DMD: variants seen among roughly 807,000 people sequenced by gnomAD.
DMD encodes the protein mutant dystrophin.
In DMD, 63 loss-of-function variants were observed where a neutral mutation model predicts 330.1. The observed-to-expected ratio is 0.19, with a 90% confidence interval of 0.16 to 0.24. DMD has a LOEUF of 0.24. Ranked by LOEUF, DMD falls within the 10% of genes least tolerant of loss-of-function variation. The pLI, the probability that DMD is intolerant of heterozygous loss-of-function variation, is 1.00. For missense variants in DMD, 3,344 were observed against 2,684.1 expected, an observed-to-expected ratio of 1.25 and a Z score of -5.43; for synonymous variants, 1,223 against 959.8, an observed-to-expected ratio of 1.27 and a Z score of -5.07.
chrX:31,496,817 C>T lies in DMD; in HGVS notation c.8518G>A (p.Ala2840Thr), dbSNP rs2147074872. 8.2e-7 allele frequency: 1 copy of T among 1,212,175 alleles called. No individual in the cohort carries two copies. Among genetic ancestry groups the T allele is most frequent in the Non-Finnish European group, 1.1e-6 (1 of 895,620 alleles). ...RQAPIGGDFP[A>T]VQKQNDVHRA... is the part of the protein sequence containing the mutation. Reference sequence around the variant, plus strand: ...TGTACATCGTTCTGCTTCTGAACTGCTGGAAAGTCGCCTCCAATAGGTGCC... The same window carrying T: ...TGTACATCGTTCTGCTTCTGAACTGTTGGAAAGTCGCCTCCAATAGGTGCC... Residue 2840 changes from alanine to threonine, a missense_variant, in exon 57 of 79, where the codon GCA becomes ACA. Transcript: ENST00000357033.
intron 55 of DMD, among the ~76,000 whole-genome samples, chrX:31,511,262 C>T (rs148552797): frequency 0.21 from 18,945 of 90,674 alleles, 1,644 homozygotes; most frequent in Middle Eastern, 0.28. Flanking sequence ...TATAATATAA[C>T]ATAACATAAT....
At position 32,380,555 on chromosome X, in the gene DMD, A is replaced by C; in HGVS notation, c.4800T>G (p.Val1600=). 4 of 1,210,803 alleles carry C rather than the reference A, an allele frequency of 3.3e-6. No homozygotes were observed. Among genetic ancestry groups the C allele is most frequent in the Admixed American group, 2.2e-5 (1 of 45,962 alleles). The part of the protein sequence containing the change: ...TDMELTKRSA[V]EGMPSNLDSE... Reference sequence around the variant, plus strand: ...AATCCAAATTACTAGGCATTCCTTCAACTGCTGATCTCTTTGTCAATTCCA... The same window carrying C: ...AATCCAAATTACTAGGCATTCCTTCCACTGCTGATCTCTTTGTCAATTCCA... Residue 1600 remains valine (V), a synonymous_variant, in exon 34 of 79, where the codon GTT becomes GTG. Transcript: ENST00000357033.
intron 2 of DMD, among the ~76,000 whole-genome samples, chrX:32,910,284 G>T (rs745596029): frequency 2.3e-4 from 26 of 111,154 alleles, no homozygotes; most frequent in Non-Finnish European, 4.3e-4. Context: ...GATTATGTAG[G>T]ACAGCTCTCT....
chrX:32,258,580 A>C (rs1034528610), intron 43 of DMD, among the ~76,000 whole-genome samples: 1 of 110,223 alleles, frequency 9.1e-6, no homozygotes, highest in African/African-American at 3.3e-5. Context: ...ACCAAACACC[A>C]CATATTCTCA....
chrX:32,725,571 T>A (rs2066781534), intron 7 of DMD, among the ~76,000 whole-genome samples: 1 of 110,199 alleles, frequency 9.1e-6, no homozygotes, highest in Non-Finnish European at 1.9e-5. Flanking sequence ...AAGGGGTCAA[T>A]TCAGCAAAAG....
intron 1 of DMD, among the ~76,000 whole-genome samples, chrX:33,163,388 T>C (rs2048865795): frequency 9.2e-6 from 1 of 108,138 alleles, no homozygotes; most frequent in Admixed American, 1.0e-4. Flanking sequence ...AATACAAAAT[T>C]AGCCAGGCAT....
intron 1 of DMD, among the ~76,000 whole-genome samples, chrX:33,315,985 A>G (rs758558148): frequency 7.2e-5 from 8 of 110,972 alleles, no homozygotes; most frequent in Non-Finnish European, 1.3e-4. Context: ...AGAGATTTTT[A>G]TCAAATGTTT....
At chrX:32,306,513 A>G (rs2148570300) in intron 42 of DMD, among the ~76,000 whole-genome samples, 1 of 110,743 alleles carries the variant, frequency 9.0e-6, no homozygotes, top group Admixed American at 9.6e-5. Flanking sequence ...GTTTTTCATC[A>G]CCCTCTTGGT....
intron 51 of DMD, among the ~76,000 whole-genome samples, chrX:31,739,515 A>G (rs1462385231): frequency 9.0e-6 from 1 of 111,176 alleles, no homozygotes; most frequent in African/African-American, 3.3e-5. Flanking sequence ...AAAACTCTTA[A>G]GCCTAGCACT....
At chrX:31,797,142 A>T (rs767626790) in intron 50 of DMD, among the ~76,000 whole-genome samples, 159 of 112,299 alleles carry the variant, frequency 1.4e-3, no homozygotes, top group African/African-American at 5.0e-3. Context: ...TAAAAAATTT[A>T]AAAAAATTGA....
At chrX:32,085,197 C>T (rs1265957676) in intron 44 of DMD, among the ~76,000 whole-genome samples, 2 of 110,876 alleles carry the variant, frequency 1.8e-5, no homozygotes, top group Non-Finnish European at 3.8e-5. Flanking sequence ...AGCATCCATG[C>T]TTATTTTAAG....
intron 52 of DMD, among the ~76,000 whole-genome samples, chrX:31,721,684 CACTCTCTCTCTCTCTCTCTCTCT>C (rs1569292466): frequency 0.048 from 3,305 of 68,441 alleles, 227 homozygotes; most frequent in African/African-American, 0.15. Flanking sequence ...CTCTCTCTCT[CACTCTCTCTCTCTCTCTCTCTCT>C]CTCTCTCTCT....
chrX:32,899,171 A>T (rs1009468832), intron 2 of DMD, among the ~76,000 whole-genome samples: 4 of 112,378 alleles, frequency 3.6e-5, no homozygotes, highest in Non-Finnish European at 7.5e-5. Context: ...GACTGGGCAC[A>T]GGCGTGCCAT....
chrX:32,285,333 T>C (rs905709615), intron 43 of DMD, among the ~76,000 whole-genome samples: 3 of 112,239 alleles, frequency 2.7e-5, no homozygotes, highest in Non-Finnish European at 5.6e-5. Context: ...ACTGACATCA[T>C]TGGAGTAGCC....
chrX:31,961,634 G>A (rs1458860360), intron 45 of DMD, among the ~76,000 whole-genome samples: 2 of 110,516 alleles, frequency 1.8e-5, no homozygotes, highest in East Asian at 2.8e-4. Context: ...TTTGAGAAGA[G>A]CAGGTCACAA....
At chrX:31,730,550 CTTTCTTCAGTGTCTA>C (rs1367219038) in intron 51 of DMD, among the ~76,000 whole-genome samples, 3 of 110,375 alleles carry the variant, frequency 2.7e-5, no homozygotes, top group Non-Finnish European at 3.8e-5. Context: ...ATATTCTTCC[CTTTCTTCAGTGTCTA>C]TTTTCTCTGT....
chrX:33,028,000 A>G (rs192663163), intron 1 of DMD, among the ~76,000 whole-genome samples: 1 of 112,179 alleles, frequency 8.9e-6, no homozygotes, highest in Non-Finnish European at 1.9e-5. Context: ...GAGCCTGAAA[A>G]TATAGCCAGA....
chrX:32,883,347 C>T lies in DMD; in HGVS notation c.94-33527G>A, dbSNP rs112950574. 4.5e-3 allele frequency among the ~76,000 whole-genome samples: 504 copies of T among 111,495 alleles called. 8 individuals are homozygous for T. The East Asian group carries it at 0.067, about 15-fold the overall frequency. On this transcript the variant is annotated intron_variant, in intron 2 of 78. Coordinates refer to ENST00000357033, the MANE Select transcript of DMD (RefSeq NM_004006.3). ...AATGAAATCTGAGTTTTCTATTACT[C>T]TCATTTCTTATTTGGACACTGGTAA...
chrX:32,964,908 T>C (rs1174781239), intron 2 of DMD, among the ~76,000 whole-genome samples: 3 of 111,866 alleles, frequency 2.7e-5, no homozygotes, highest in Non-Finnish European at 5.6e-5. Flanking sequence ...TACAATCATC[T>C]TGAGTAAAAA....
Sources: gnomAD v4.1 joint callset for allele counts (sites outside exome capture counted in the v4.1 genomes callset) on GRCh38, gnomAD v4.1.1 for gene constraint, MANE v1.5 for transcripts, NCBI Gene and HGNC (gene_info 2026-07-23, HGNC 2026-07-21) for gene names.